Variants in AMZ1 observed in about 807,000 individuals in gnomAD.
The protein encoded by AMZ1 is archaelysin family metallopeptidase 1.
In AMZ1, 39 loss-of-function variants were observed where a neutral mutation model predicts 29.9. The observed-to-expected ratio is 1.30, with a 90% confidence interval of 1.01 to 1.70. The LOEUF is 1.70. AMZ1 is among the 40% of genes most tolerant of loss of function. The probability of loss-of-function intolerance (pLI) is 0.00; values close to 1 mark genes in which losing one functional copy is unlikely to be tolerated. For synonymous variants in AMZ1, 458 were observed against 304.0 expected (o/e 1.51, Z -5.27); for missense variants, 1,041 against 680.6 (o/e 1.53, Z -5.89).
chr7:2,762,660 G>T, upstream of AMZ1: 1 of 1,599,196 alleles, frequency 6.3e-7, no homozygotes, highest in Non-Finnish European at 8.5e-7. Flanking sequence ...AGGACGATGA[G>T]AGGATAAATC....
At chr7:2,738,584 C>T (rs1347328137) in intron 4 of AMZ1, among the ~76,000 whole-genome samples, 3 of 152,022 alleles carry the variant, frequency 2.0e-5, no homozygotes, top group South Asian at 2.1e-4. Context: ...GAAAAGGAAA[C>T]GTGGATACAC....
intron 4 of AMZ1, among the ~76,000 whole-genome samples, chr7:2,752,312 T>G (rs1214762698): frequency 6.6e-6 from 1 of 152,218 alleles, no homozygotes; most frequent in Non-Finnish European, 1.5e-5. Flanking sequence ...AGGGCATCTA[T>G]GAAAACCATG....
intron 4 of AMZ1, among the ~76,000 whole-genome samples, chr7:2,726,876 C>G (rs570334505): frequency 6.6e-6 from 1 of 152,120 alleles, no homozygotes; most frequent in Non-Finnish European, 1.5e-5. Flanking sequence ...AACGATAACC[C>G]CAGGGGTTGT....
At position 2,719,064 on chromosome 7, in the gene AMZ1, T is replaced by C. The variant is rs1204759039; in HGVS notation, c.*6186T>C. ...GTGAGATCAAACTTCTACCACATTC[T>C]ACCTGTGCCCTTCTGGGTGGGTGGT... is the stretch of plus-strand genomic sequence containing the variant. On this transcript the variant is annotated 3_prime_UTR_variant, in exon 7 of 7. Coordinates refer to ENST00000683327, the MANE Select transcript of AMZ1 (RefSeq NM_001384743.1). Among the ~76,000 whole-genome samples the C allele has an allele frequency of 6.6e-6, 1 of 150,864 alleles. No individual in the cohort carries two copies. The highest frequency in any genetic ancestry group is 6.6e-5 in the Admixed American group (1 of 15,160).
intron 1 of AMZ1, among the ~76,000 whole-genome samples, chr7:2,695,055 T>G (rs770823403): frequency 2.0e-5 from 3 of 152,206 alleles, no homozygotes; most frequent in African/African-American, 7.2e-5. Flanking sequence ...TTGGAACCAC[T>G]GATCGTGCAT....
intron 4 of AMZ1, among the ~76,000 whole-genome samples, chr7:2,737,298 T>TG (rs1249328436): frequency 3.5e-5 from 4 of 114,354 alleles, no homozygotes; most frequent in African/African-American, 7.1e-5. Context: ...TGTTTTTTTT[T>TG]TTTTTTTTGA....
chr7:2,747,356 G>C (rs564545772), intron 4 of AMZ1, among the ~76,000 whole-genome samples: 19 of 152,270 alleles, frequency 1.2e-4, no homozygotes, highest in Non-Finnish European at 1.2e-4. Context: ...GGGATGCAAG[G>C]CTGGTTCAAC....
At chr7:2,757,940 A>G (rs1392906499) in intron 4 of AMZ1, among the ~76,000 whole-genome samples, 1 of 152,174 alleles carries the variant, frequency 6.6e-6, no homozygotes, top group Non-Finnish European at 1.5e-5. Context: ...CAGAATAGCA[A>G]TAATAAGGAA....
At chr7:2,703,607 C>T (rs1313552602) in intron 3 of AMZ1, among the ~76,000 whole-genome samples, 1 of 152,094 alleles carries the variant, frequency 6.6e-6, no homozygotes, top group African/African-American at 2.4e-5. Context: ...GAAGTGAGGG[C>T]TCTGTTGGTG....
In AMZ1 at chr7:2,719,192, G is replaced by A. The variant is rs1789307091; in HGVS notation, c.*6314G>A. On this transcript the variant is annotated 3_prime_UTR_variant, in exon 7 of 7. Coordinates refer to ENST00000683327, the MANE Select transcript of AMZ1 (RefSeq NM_001384743.1). ...GGCTGCCAACCCAACTCCTCCGACA[G>A]AACGGCAGGTGGCCCCTGTCGGAAG... is the stretch of plus-strand genomic sequence containing the variant. 1.3e-5 allele frequency among the ~76,000 whole-genome samples: 2 copies of A among 152,194 alleles called. No individual in the cohort carries two copies. Among genetic ancestry groups the A allele is most frequent in the Admixed American group, 6.5e-5 (1 of 15,286 alleles).
At chr7:2,754,430 T>C (rs1263376479) in intron 4 of AMZ1, among the ~76,000 whole-genome samples, 1 of 152,150 alleles carries the variant, frequency 6.6e-6, no homozygotes, top group East Asian at 1.9e-4. Flanking sequence ...GTCTGTAGCT[T>C]GTCTTTTCAT....
chr7:2,733,876 G>T (rs1790027679), intron 4 of AMZ1, among the ~76,000 whole-genome samples: 1 of 152,194 alleles, frequency 6.6e-6, no homozygotes, highest in Non-Finnish European at 1.5e-5. Context: ...TTTAGATTTT[G>T]GCTCCTGGGT....
At chr7:2,725,676 A>AC (rs1046430999) in intron 4 of AMZ1, among the ~76,000 whole-genome samples, 8 of 152,130 alleles carry the variant, frequency 5.3e-5, no homozygotes, top group African/African-American at 1.7e-4. Context: ...GAGCTCAGTT[A>AC]CCCCCGAAAA....
At chr7:2,744,616 C>T (rs1335632952) in intron 4 of AMZ1, among the ~76,000 whole-genome samples, 2 of 152,200 alleles carry the variant, frequency 1.3e-5, no homozygotes, top group Non-Finnish European at 2.9e-5. Context: ...GAGCACCTCT[C>T]CTCCTCCAAA....
chr7:2,706,535 G>A (rs770176236), intron 3 of AMZ1, among the ~76,000 whole-genome samples: 7 of 152,220 alleles, frequency 4.6e-5, no homozygotes, highest in South Asian at 2.1e-4. Flanking sequence ...AGAAGGCTCC[G>A]TGGAGGGTGC....
chr7:2,731,119 C>T lies in AMZ1; in HGVS notation n.550+21303C>T, dbSNP rs1261853398. 1.4e-5 allele frequency: 16 copies of T among 1,137,938 alleles called. No homozygotes were observed. Among genetic ancestry groups the T allele is most frequent in the Non-Finnish European group, 2.1e-5 (16 of 776,970 alleles). 70.5% of individuals were successfully genotyped at this position (1,137,938 alleles called of 1,614,324 possible). A position where few individuals can be genotyped will look rare whatever the true frequency, so the allele number is the denominator to read the frequency against. On this transcript the variant is annotated intron_variant and non_coding_transcript_variant, in intron 4 of 4. Transcript: ENST00000489665. This position sits in a 1 kb window ranked among gnomAD's most constrained non-coding sequence, Gnocchi z 6.0. ...AAGGACCACACAGACAACACACACC[C>T]AAGAGTCTGACCGACAGCCGTGGGG...
chr7:2,743,355 A>G (rs1475124346), intron 4 of AMZ1, among the ~76,000 whole-genome samples: 1 of 152,228 alleles, frequency 6.6e-6, no homozygotes, highest in East Asian at 1.9e-4. Flanking sequence ...CATCCATAAT[A>G]CCCAAGATAT....
At chr7:2,684,909 G>T (rs1480652576), upstream of AMZ1, among the ~76,000 whole-genome samples, 8 of 141,244 alleles carry the variant, frequency 5.7e-5, no homozygotes, top group East Asian at 4.1e-4. Flanking sequence ...AGTCTCTGTC[G>T]CCCAGGCTGG....
chr7:2,709,178 G>A lies in AMZ1; in HGVS notation c.705G>A (p.Glu235=), dbSNP rs935314552. Residue 235 remains glutamate (E), a synonymous_variant, in exon 5 of 7, where the codon GAG becomes GAA. Transcript: ENST00000683327. Reference sequence around the variant, plus strand: ...TAGAGGCAGCAGCAGACGGCCCCGAGGCCCCCCTGCAGGACAGGGGCTGGG... The same window carrying A: ...TAGAGGCAGCAGCAGACGGCCCCGAAGCCCCCCTGCAGGACAGGGGCTGGG... ...ALVEAAADGP[E]APLQDRGWAL... 16 of 1,545,768 alleles carry A rather than the reference G, an allele frequency of 1.0e-5. No homozygotes were observed. The highest frequency in any genetic ancestry group is 1.4e-5 in the Non-Finnish European group (16 of 1,147,984).
Sources: gnomAD v4.1 joint callset for allele counts (sites outside exome capture counted in the v4.1 genomes callset) on GRCh38, gnomAD v4.1.1 for gene constraint, Gnocchi (gnomAD v3.1) non-coding constraint, MANE v1.5 for transcripts, NCBI Gene and HGNC (gene_info 2026-07-23, HGNC 2026-07-21) for gene names.